The following PTPRN2 variants were observed in gnomAD, a reference collection of about 807,000 sequenced individuals.
PTPRN2 encodes receptor-type tyrosine-protein phosphatase N2.
Under a neutral mutation model 118.8 loss-of-function variants are expected in PTPRN2, and 74 were observed. That is an observed-to-expected ratio of 0.62 (90% CI 0.52 to 0.76). The LOEUF is 0.76. Ranked by LOEUF, PTPRN2 falls within the 30% of genes least tolerant of loss-of-function variation. The pLI, the probability that PTPRN2 is intolerant of heterozygous loss-of-function variation, is 0.00. For synonymous variants in PTPRN2, 641 were observed against 608.0 expected (o/e 1.05, Z -0.80); for missense variants, 1,481 against 1,394.4 (o/e 1.06, Z -0.99).
At chr7:157,748,420 G>A (rs1268012494) in intron 12 of PTPRN2, among the ~76,000 whole-genome samples, 3 of 149,874 alleles carry the variant, frequency 2.0e-5, no homozygotes, top group Non-Finnish European at 4.4e-5. Flanking sequence ...GGGGTTTCTC[G>A]GTAATTCTGA....
chr7:157,950,700 C>CTACAACT (rs1169325888), intron 11 of PTPRN2, among the ~76,000 whole-genome samples: 1 of 152,216 alleles, frequency 6.6e-6, no homozygotes, highest in Non-Finnish European at 1.5e-5. Flanking sequence ...GGCTTATCCT[C>CTACAACT]TACAACTATT....
In PTPRN2 at chr7:157,632,240, T is replaced by C. The variant is rs1481064262; in HGVS notation, c.2197-10731A>G. 2.6e-5 allele frequency among the ~76,000 whole-genome samples: 4 copies of C among 152,230 alleles called. No homozygotes were observed. The highest frequency in any genetic ancestry group is 5.9e-5 in the Non-Finnish European group (4 of 68,042). On this transcript the variant is annotated intron_variant, in intron 14 of 22. Coordinates refer to ENST00000389418, the MANE Select transcript of PTPRN2 (RefSeq NM_002847.5). This position sits in a 1 kb window ranked among gnomAD's most constrained non-coding sequence, Gnocchi z 4.3. Reference sequence around the variant, plus strand: ...TGGAGTCCACAGCCGGCCCAGTCTCTGCCTCACCTCTAGAAGGACTGCATG... The same window carrying C: ...TGGAGTCCACAGCCGGCCCAGTCTCCGCCTCACCTCTAGAAGGACTGCATG...
At chr7:158,085,976 A>G (rs1813378880) in intron 10 of PTPRN2, among the ~76,000 whole-genome samples, 1 of 151,992 alleles carries the variant, frequency 6.6e-6, no homozygotes, top group Admixed American at 6.6e-5. Flanking sequence ...CACGACGCCC[A>G]TCCACATGGG....
intron 2 of PTPRN2, among the ~76,000 whole-genome samples, chr7:158,478,473 G>A (rs1179514814): frequency 2.6e-5 from 4 of 152,220 alleles, no homozygotes; most frequent in Admixed American, 1.3e-4. Context: ...GCAGAGGCCC[G>A]CTCTGCGTCT....
intron 11 of PTPRN2, among the ~76,000 whole-genome samples, chr7:157,919,501 A>C (rs1036983444): frequency 1.4e-4 from 21 of 152,212 alleles, no homozygotes; most frequent in Admixed American, 1.4e-3. Context: ...ATGACGTCAA[A>C]GTAAATAGGT....
At position 157,964,034 on chromosome 7, in the gene PTPRN2, A is replaced by T. The variant is rs1337465561; in HGVS notation, c.1724-65297T>A. The stretch of plus-strand genomic sequence containing the variant: ...TTTGCCCTGTTCAAGTTCAAGCAGT[A>T]TTTTTTTTAATAAAGATTATTCCCA... On this transcript the variant is annotated intron_variant, in intron 11 of 22. Transcript: ENST00000389418. The surrounding 1 kb of genome is among the most constrained non-coding windows in gnomAD (Gnocchi z 9.0). 6.6e-6 allele frequency among the ~76,000 whole-genome samples: 1 copy of T among 152,116 alleles called. No individual in the cohort carries two copies. Among genetic ancestry groups the T allele is most frequent in the South Asian group, 2.1e-4 (1 of 4,812 alleles).
At chr7:157,701,493 C>T (rs1240738875) in intron 12 of PTPRN2, among the ~76,000 whole-genome samples, 4 of 152,210 alleles carry the variant, frequency 2.6e-5, no homozygotes, top group African/African-American at 9.6e-5. Context: ...CGTGTGAGCA[C>T]TGCCATTTCT....
intron 12 of PTPRN2, among the ~76,000 whole-genome samples, chr7:157,790,178 T>C (rs924962066): frequency 8.6e-5 from 11 of 128,424 alleles, no homozygotes; most frequent in Admixed American, 2.4e-4. Context: ...GTGGTGTGTG[T>C]ATGGTGGTGT....
intron 3 of PTPRN2, among the ~76,000 whole-genome samples, chr7:158,249,528 T>C (rs992058703): frequency 3.5e-5 from 5 of 144,724 alleles, no homozygotes; most frequent in Admixed American, 2.7e-4. Context: ...ATGCACACCA[T>C]ACATGCATAC....
chr7:158,309,828 C>G (rs1438687275), intron 3 of PTPRN2, among the ~76,000 whole-genome samples: 2 of 152,208 alleles, frequency 1.3e-5, no homozygotes, highest in East Asian at 1.9e-4. Flanking sequence ...CCTCCCCAAA[C>G]GTACGTGCTG....
intron 3 of PTPRN2, among the ~76,000 whole-genome samples, chr7:158,229,146 A>G (rs1829006615): frequency 6.6e-6 from 1 of 151,696 alleles, no homozygotes; most frequent in African/African-American, 2.4e-5. Context: ...CAGATCTTTA[A>G]CCAGAGCCAA....
chr7:157,864,372 CCACCTGGGGACGGGCCCCGGATGCTGA>C (rs1255367537), intron 12 of PTPRN2: 1 of 152,162 alleles, frequency 6.6e-6, no homozygotes, highest in East Asian at 1.9e-4. Flanking sequence ...CTCCCGGGCT[CCACCTGGGGACGGGCCCCGGATGCTGA>C]CACCTGGGGA....
intron 1 of PTPRN2, among the ~76,000 whole-genome samples, chr7:158,569,835 C>T (rs1214966735): frequency 7.0e-6 from 1 of 142,808 alleles, no homozygotes; most frequent in Non-Finnish European, 1.5e-5. Flanking sequence ...CTGACAGGAA[C>T]GCGGGGCGCG....
chr7:158,160,600 G>T (rs1019712326), intron 6 of PTPRN2, among the ~76,000 whole-genome samples: 2 of 152,190 alleles, frequency 1.3e-5, no homozygotes, highest in Non-Finnish European at 2.9e-5. Context: ...CTCTTCGACT[G>T]TTTATGCAGC....
chr7:157,890,699 G>A (rs879134437), intron 12 of PTPRN2, among the ~76,000 whole-genome samples: 14 of 152,144 alleles, frequency 9.2e-5, no homozygotes, highest in Admixed American at 7.9e-4. Flanking sequence ...GAACATCTAC[G>A]GATTTCTCAC....
At chr7:157,714,911 C>T (rs1798825910) in intron 12 of PTPRN2, among the ~76,000 whole-genome samples, 2 of 151,994 alleles carry the variant, frequency 1.3e-5, no homozygotes, top group Admixed American at 1.3e-4. Context: ...GGGAATGGCT[C>T]CAAGCCCGAT....
At chr7:158,387,554 G>T (rs1488719537) in intron 2 of PTPRN2, among the ~76,000 whole-genome samples, 3 of 152,304 alleles carry the variant, frequency 2.0e-5, no homozygotes, top group African/African-American at 4.8e-5. Flanking sequence ...GACTCCAGGG[G>T]GCTGCGGCAT....
chr7:157,558,055 C>A (rs1274565467), intron 21 of PTPRN2, among the ~76,000 whole-genome samples: 1 of 76,090 alleles, frequency 1.3e-5, no homozygotes, highest in African/African-American at 5.2e-5. Flanking sequence ...GACCTCTGCA[C>A]CCCTGTGCAG....
intron 22 of PTPRN2, among the ~76,000 whole-genome samples, chr7:157,548,522 G>C (rs1453599246): frequency 5.3e-5 from 8 of 152,202 alleles, no homozygotes; most frequent in African/African-American, 1.9e-4. Context: ...AGGGATTTTG[G>C]GTGCTCAAGG....
Sources: allele counts gnomAD v4.1 joint callset (sites outside exome capture counted in the v4.1 genomes callset), GRCh38; gene constraint gnomAD v4.1.1; non-coding constraint Gnocchi (gnomAD v3.1); transcripts MANE v1.5; gene names NCBI Gene and HGNC (gene_info 2026-07-23, HGNC 2026-07-21).